FRMD6: variants seen among roughly 807,000 people sequenced by gnomAD.
FRMD6 encodes the protein FERM domain-containing protein 6.
Under a neutral mutation model 73.2 loss-of-function variants are expected in FRMD6, and 37 were observed. The observed-to-expected ratio is 0.51, with a 90% confidence interval of 0.39 to 0.66. The LOEUF is 0.66. Among genes scored for constraint, FRMD6 ranks in the 30% least tolerant of loss-of-function variants. The probability of loss-of-function intolerance (pLI) is 0.00; values close to 1 mark genes in which losing one functional copy is unlikely to be tolerated. For missense variants in FRMD6, 714 were observed against 780.5 expected (o/e 0.91, Z 1.02); for synonymous variants, 273 against 282.2 (o/e 0.97, Z 0.33).
Position 51,715,439 on chromosome 14 carries a change from C to A in FRMD6, c.964C>A (p.Arg322Ser). The A allele has an allele frequency of 5.6e-6, 9 of 1,613,894 alleles. No individual in the cohort carries two copies. Among genetic ancestry groups the A allele is most frequent in the Non-Finnish European group, 7.6e-6 (9 of 1,179,886 alleles). Residue 322 changes from arginine (R) to serine (S), a missense_variant, in exon 10 of 14, where the codon CGC (arginine) becomes AGC (serine). Transcript: ENST00000344768. ...HLLQLLSNSH[R>S]LYMNLQPVLR... Reference sequence around the variant, plus strand: ...CCTGCAACTTCTGAGCAACAGCCACCGCCTCTATATGAATCTGCAGCCTGT... The same window carrying A: ...CCTGCAACTTCTGAGCAACAGCCACAGCCTCTATATGAATCTGCAGCCTGT...
At chr14:51,625,455 CTT>C (rs531098350) in intron 2 of FRMD6, among the ~76,000 whole-genome samples, 1 of 85,470 alleles carries the variant, frequency 1.2e-5, no homozygotes, top group East Asian at 2.5e-4. Context: ...TTCCCCTTAT[CTT>C]TTTTTTTTGT....
intron 2 of FRMD6, among the ~76,000 whole-genome samples, chr14:51,645,794 A>G (rs1304617181): frequency 1.3e-5 from 2 of 152,092 alleles, no homozygotes; most frequent in African/African-American, 4.8e-5. Flanking sequence ...TTTCTTAAGC[A>G]ATCAAAAACA....
At chr14:51,568,343 C>G (rs763321815) in intron 1 of FRMD6, among the ~76,000 whole-genome samples, 4 of 152,356 alleles carry the variant, frequency 2.6e-5, no homozygotes, top group East Asian at 1.9e-4. Flanking sequence ...GGGCCTTCTT[C>G]TTACAGTGTT....
At chr14:51,518,676 C>T (rs1218302704) in intron 1 of FRMD6, among the ~76,000 whole-genome samples, 4 of 152,138 alleles carry the variant, frequency 2.6e-5, no homozygotes, top group African/African-American at 9.7e-5. Flanking sequence ...TTTCTGAGGT[C>T]CAGTGCATTT....
intron 2 of FRMD6, among the ~76,000 whole-genome samples, chr14:51,603,916 G>T (rs1890139460): frequency 6.7e-6 from 1 of 149,078 alleles, no homozygotes; most frequent in South Asian, 2.1e-4. Context: ...ACGATGTCCT[G>T]CCTTCCACGG....
At chr14:51,659,231 T>C (rs1036438202) in intron 1 of FRMD6, among the ~76,000 whole-genome samples, 4 of 152,216 alleles carry the variant, frequency 2.6e-5, no homozygotes, top group East Asian at 3.8e-4. Flanking sequence ...GAGATAGTTA[T>C]AATAGCTATC....
chr14:51,631,101 A>C (rs945948421), intron 2 of FRMD6, among the ~76,000 whole-genome samples: 1 of 152,114 alleles, frequency 6.6e-6, no homozygotes, highest in Non-Finnish European at 1.5e-5. Flanking sequence ...CCACAGAGAC[A>C]GTTTTGCTAC....
chr14:51,475,293 C>T, the FRMD6 span, among the ~76,000 whole-genome samples: 2 of 152,166 alleles, frequency 1.3e-5, no homozygotes, highest in Admixed American at 6.5e-5. Context: ...GGTCACCTAG[C>T]TCCTGATTAG....
chr14:51,660,160 C>T (rs920225603), intron 1 of FRMD6, among the ~76,000 whole-genome samples: 1 of 152,178 alleles, frequency 6.6e-6, no homozygotes, highest in African/African-American at 2.4e-5. Context: ...CTAAGTCCAT[C>T]AAAAGCCAGG....
Position 51,679,271 on chromosome 14 carries a change from T to G in FRMD6, c.-146-10420T>G, listed in dbSNP as rs150182650. On this transcript the variant is annotated intron_variant, in intron 1 of 13. Coordinates refer to ENST00000344768, the MANE Select transcript of FRMD6 (RefSeq NM_001267046.2). The stretch of plus-strand genomic sequence containing the variant: ...AGACAAAAGGAAGGATTTTTTTTTC[T>G]TACTAAGATTATATAAAAATATACA... Among the ~76,000 whole-genome samples, 592 of 131,430 alleles carry G rather than the reference T, an allele frequency of 4.5e-3. 4 individuals are homozygous for G. The highest frequency in any genetic ancestry group is 0.016 in the African/African-American group (560 of 34,886). The allele number at this position is 131,430 out of a possible 152,430, so 86.2% of individuals were successfully genotyped here. A position where few individuals can be genotyped will look rare whatever the true frequency, so the allele number is the denominator to read the frequency against.
chr14:51,636,795 G>C (rs373053133), intron 2 of FRMD6, among the ~76,000 whole-genome samples: 1 of 151,514 alleles, frequency 6.6e-6, no homozygotes, highest in African/African-American at 2.4e-5. Context: ...TGTGAGAGGG[G>C]TGACGTGAGG....
At chr14:51,568,614 G>T (rs548330368) in intron 1 of FRMD6, among the ~76,000 whole-genome samples, 1 of 152,176 alleles carries the variant, frequency 6.6e-6, no homozygotes, top group Non-Finnish European at 1.5e-5. Flanking sequence ...GGCTGCCCAA[G>T]GATGGTTCTG....
chr14:51,605,144 T>C (rs796495345), intron 2 of FRMD6, among the ~76,000 whole-genome samples: 12 of 147,134 alleles, frequency 8.2e-5, no homozygotes, highest in Non-Finnish European at 1.6e-4. Context: ...GGTTTCTTTT[T>C]TTTTTTTTTT....
In FRMD6 at chr14:51,710,101, T is replaced by C. The variant is rs542767626; in HGVS notation, c.715-1430T>C. 2.6e-5 allele frequency among the ~76,000 whole-genome samples: 4 copies of C among 152,290 alleles called. No individual in the cohort carries two copies. In the South Asian group the frequency reaches 8.3e-4, roughly 32 times the overall value. ...TAAGAATCTTTTGTTGAAGTAGATA[T>C]CCCCAATTTATCTTCTGTGTAAAAC... On this transcript the variant is annotated intron_variant, in intron 7 of 13. Transcript: ENST00000344768.
intron 1 of FRMD6, among the ~76,000 whole-genome samples, chr14:51,519,629 A>G (rs1482028677): frequency 1.3e-5 from 2 of 152,124 alleles, no homozygotes; most frequent in Non-Finnish European, 2.9e-5. Context: ...GACAAACCCA[A>G]CTTTTCAGTC....
chr14:51,462,477 G>C, the FRMD6 span, among the ~76,000 whole-genome samples: 2 of 152,114 alleles, frequency 1.3e-5, no homozygotes, highest in Non-Finnish European at 1.5e-5. Context: ...CCCTTGCTGA[G>C]TTTAGGACTC....
chr14:51,570,468 TAAG>T (rs1432873568), intron 2 of FRMD6: 4 of 152,182 alleles, frequency 2.6e-5, no homozygotes, highest in Non-Finnish European at 4.4e-5. Flanking sequence ...AACCGAAGTT[TAAG>T]AAATCTAAAG....
chr14:51,467,969 A>G, the FRMD6 span, among the ~76,000 whole-genome samples: 4 of 152,008 alleles, frequency 2.6e-5, no homozygotes, highest in Admixed American at 6.5e-5. Context: ...TAGCGAGCCG[A>G]GATCACGCCA....
the FRMD6 span, among the ~76,000 whole-genome samples, chr14:51,444,258 T>C: frequency 6.6e-6 from 1 of 152,244 alleles, no homozygotes; most frequent in African/African-American, 2.4e-5. Context: ...AGTAAGTTTT[T>C]CCTGGTGAGT....
Sources: gnomAD v4.1 joint callset for allele counts (sites outside exome capture counted in the v4.1 genomes callset) on GRCh38, gnomAD v4.1.1 for gene constraint, MANE v1.5 for transcripts, NCBI Gene and HGNC (gene_info 2026-07-23, HGNC 2026-07-21) for gene names.